CHST9: variants seen among roughly 807,000 people sequenced by gnomAD.
CHST9 encodes the protein carbohydrate sulfotransferase 9, also known as GalNAc-4-sulfotransferase 2.
CHST9 carries 41 observed loss-of-function variants against 44.4 expected under a neutral mutation model. The ratio of observed to expected loss-of-function variants is 0.92; its 90% CI spans 0.72 to 1.20. CHST9 has a LOEUF of 1.20. CHST9 is among the 50% of genes most tolerant of loss of function. The probability of loss-of-function intolerance (pLI) is 0.00; values close to 1 mark genes in which losing one functional copy is unlikely to be tolerated. For missense variants in CHST9, 504 were observed against 516.5 expected (o/e 0.98, Z 0.23); for synonymous variants, 171 against 178.4 (o/e 0.96, Z 0.33).
At chr18:27,143,834 C>G (rs553600301) in intron 1 of CHST9, among the ~76,000 whole-genome samples, 107 of 152,168 alleles carry the variant, frequency 7.0e-4, no homozygotes, top group African/African-American at 2.5e-3. Flanking sequence ...GGACAAATAC[C>G]TAATGTATGC....
Position 27,093,027 on chromosome 18 carries a change from C to G in CHST9, c.122-44524G>C, listed in dbSNP as rs115194125. Among the ~76,000 whole-genome samples, 1,247 of 152,100 alleles carry G rather than the reference C, an allele frequency of 8.2e-3. 17 individuals are homozygous for G. The highest frequency in any genetic ancestry group is 0.028 in the African/African-American group (1,150 of 41,480). Reference sequence around the variant, plus strand: ...AGTTTGCTGGAGTTCTATTCCAGACCCTGTTTGTCTGGGTATCACCAGTGC... The same window carrying G: ...AGTTTGCTGGAGTTCTATTCCAGACGCTGTTTGTCTGGGTATCACCAGTGC... On this transcript the variant is annotated intron_variant, in intron 2 of 5. Coordinates refer to ENST00000618847, the MANE Select transcript of CHST9 (RefSeq NM_031422.6).
At chr18:26,964,047 T>C (rs1711784479) in intron 4 of CHST9, among the ~76,000 whole-genome samples, 1 of 152,202 alleles carries the variant, frequency 6.6e-6, no homozygotes, top group African/African-American at 2.4e-5. Flanking sequence ...AGAAGAGCAT[T>C]TTTGATTAAT....
intron 1 of CHST9, among the ~76,000 whole-genome samples, chr18:27,179,484 G>T (rs1464158655): frequency 6.6e-6 from 1 of 151,976 alleles, no homozygotes; most frequent in African/African-American, 2.4e-5. Flanking sequence ...TCTCATAATG[G>T]CAAGTGACAC....
At chr18:27,030,574 T>TTGCCTGTGCGGAGGCAGC (rs1490724904) in intron 3 of CHST9, among the ~76,000 whole-genome samples, 5 of 152,214 alleles carry the variant, frequency 3.3e-5, no homozygotes, top group Admixed American at 2.0e-4. Context: ...GCATAAAGCC[T>TTGCCTGTGCGGAGGCAGC]TGCCTGTGCG....
chr18:27,129,511 G>C (rs2058454308), intron 2 of CHST9, among the ~76,000 whole-genome samples: 1 of 152,016 alleles, frequency 6.6e-6, no homozygotes, highest in Admixed American at 6.6e-5. Flanking sequence ...TCCTGCCCCA[G>C]TCACCCATGT....
chr18:27,028,952 G>C (rs1031667188), intron 3 of CHST9, among the ~76,000 whole-genome samples: 5 of 152,206 alleles, frequency 3.3e-5, no homozygotes, highest in Non-Finnish European at 5.9e-5. Context: ...GAAGGACAAG[G>C]AGGAAGAGCA....
chr18:27,158,827 G>C (rs2058720078), intron 1 of CHST9, among the ~76,000 whole-genome samples: 2 of 151,874 alleles, frequency 1.3e-5, no homozygotes, highest in African/African-American at 2.4e-5. Context: ...TCTCATTGTG[G>C]TTTTGATTTG....
chr18:26,915,674 A>C lies in CHST9; in HGVS notation c.*585T>G, dbSNP rs577619319. On this transcript the variant is annotated 3_prime_UTR_variant, in exon 6 of 6. Transcript: ENST00000618847. ...GTTGTGCATTTTTTATTGGCTGTTG[A>C]ATATAAAAAGCCACAGCCTCATCTG... The C allele has an allele frequency of 6.6e-6, 1 of 152,230 alleles. No homozygotes were observed. Among genetic ancestry groups the C allele is most frequent in the East Asian group, 1.9e-4 (1 of 5,178 alleles). The allele number at this position is 152,230 out of a possible 1,614,324, so 9.4% of individuals were successfully genotyped here. A position where few individuals can be genotyped will look rare whatever the true frequency, so the allele number is the denominator to read the frequency against.
At chr18:26,952,223 G>T (rs1360451904) in intron 4 of CHST9, 3 of 527,226 alleles carry the variant, frequency 5.7e-6, no homozygotes, top group East Asian at 1.1e-4. Context: ...ACCAAACAAG[G>T]CTCCCCGGAC....
intron 2 of CHST9, among the ~76,000 whole-genome samples, chr18:27,116,261 T>C (rs1486365535): frequency 1.3e-5 from 2 of 152,230 alleles, no homozygotes; most frequent in Non-Finnish European, 2.9e-5. Context: ...TTTAGGCTCT[T>C]ACATTTAGGT....
intron 1 of CHST9, among the ~76,000 whole-genome samples, chr18:27,159,899 G>C (rs912311574): frequency 2.0e-5 from 3 of 152,070 alleles, no homozygotes; most frequent in Non-Finnish European, 4.4e-5. Flanking sequence ...CTCATGATTT[G>C]GCTCTCTATT....
intron 5 of CHST9, among the ~76,000 whole-genome samples, chr18:26,941,663 T>A (rs368450739): frequency 2.6e-5 from 4 of 152,140 alleles, no homozygotes; most frequent in African/African-American, 9.7e-5. Context: ...CATGCATTCA[T>A]CCCATTCTAG....
intron 4 of CHST9, among the ~76,000 whole-genome samples, chr18:26,975,135 T>C (rs2056601746): frequency 6.6e-6 from 1 of 152,176 alleles, no homozygotes; most frequent in Non-Finnish European, 1.5e-5. Context: ...TGTTTAAATC[T>C]ACTGTTTTAT....
intron 2 of CHST9, among the ~76,000 whole-genome samples, chr18:27,058,318 CT>C (rs2057681761): frequency 6.6e-6 from 1 of 152,046 alleles, no homozygotes; most frequent in East Asian, 1.9e-4. Context: ...TTGAGAAAAA[CT>C]GGAATGAATT....
chr18:26,966,013 T>C (rs942531246), intron 4 of CHST9, among the ~76,000 whole-genome samples: 1 of 152,274 alleles, frequency 6.6e-6, no homozygotes, highest in Non-Finnish European at 1.5e-5. Context: ...CTATGCCTAA[T>C]GTTGCACAGT....
intron 4 of CHST9, among the ~76,000 whole-genome samples, chr18:26,998,133 G>A (rs2056906717): frequency 6.6e-6 from 1 of 152,202 alleles, no homozygotes; most frequent in South Asian, 2.1e-4. Flanking sequence ...AGCACAGGGT[G>A]ATGGGCATGG....
At position 27,104,684 on chromosome 18, in the gene CHST9, G is replaced by A. The variant is rs369920321; in HGVS notation, c.121+38005C>T. On this transcript the variant is annotated intron_variant, in intron 2 of 5. Coordinates refer to ENST00000618847, the MANE Select transcript of CHST9 (RefSeq NM_031422.6). ...ACTTCGAAAAATGATTGATGGTGCT[G>A]TTGAGATATGCACTTTCCATAAACT... 2.8e-4 allele frequency among the ~76,000 whole-genome samples: 42 copies of A among 152,324 alleles called. 2 individuals are homozygous for A. The highest frequency in any genetic ancestry group is 9.9e-4 in the African/African-American group (41 of 41,574).
intron 1 of CHST9, among the ~76,000 whole-genome samples, chr18:27,149,082 T>C (rs148254899): frequency 0.089 from 11,602 of 130,056 alleles, 2,893 homozygotes; most frequent in East Asian, 0.24. Context: ...GTTCATATCC[T>C]TCACCCACTT....
chr18:27,086,448 C>T (rs1023977804), intron 2 of CHST9, among the ~76,000 whole-genome samples: 1 of 152,154 alleles, frequency 6.6e-6, no homozygotes, highest in Non-Finnish European at 1.5e-5. Context: ...AAGAATAATA[C>T]TCATTCCTAA....
Sources: gnomAD v4.1 joint callset for allele counts (sites outside exome capture counted in the v4.1 genomes callset) on GRCh38, gnomAD v4.1.1 for gene constraint, MANE v1.5 for transcripts, NCBI Gene and HGNC (gene_info 2026-07-23, HGNC 2026-07-21) for gene names.